The following GSTO2 variants were observed in gnomAD, a reference collection of about 807,000 sequenced individuals.
GSTO2 encodes the protein glutathione S-transferase omega 2, also known as glutathione S-transferase omega-2.
In GSTO2, 23 loss-of-function variants were observed where a neutral mutation model predicts 28.4. The ratio of observed to expected loss-of-function variants is 0.81; its 90% CI spans 0.58 to 1.15. The LOEUF is 1.15. Among genes scored for constraint, GSTO2 ranks in the 50% most tolerant of loss-of-function variants. The probability of loss-of-function intolerance (pLI) is 0.00; values close to 1 mark genes in which losing one functional copy is unlikely to be tolerated. For missense variants in GSTO2, 298 were observed against 297.8 expected (o/e 1.00, Z 0.00); for synonymous variants, 109 against 111.0 (o/e 0.98, Z 0.11).
chr10:104,299,757 A>T lies in GSTO2; in HGVS notation c.*473A>T, dbSNP rs145768674. On this transcript the variant is annotated 3_prime_UTR_variant, in exon 7 of 7. Transcript: ENST00000338595. The stretch of plus-strand genomic sequence containing the variant: ...TCTCCAAAGTGTTGAGATTACAGGC[A>T]TGAGCCACCTGGCCTGCCTAGCCTG... 5.8e-6 allele frequency: 1 copy of T among 170,964 alleles called. No individual in the cohort carries two copies. The highest frequency in any genetic ancestry group is 1.2e-5 in the Non-Finnish European group (1 of 80,740). 10.6% of individuals were successfully genotyped at this position (170,964 alleles called of 1,614,324 possible).
intron 5 of GSTO2, among the ~76,000 whole-genome samples, chr10:104,292,775 A>G (rs1019333234): frequency 6.6e-6 from 1 of 152,198 alleles, no homozygotes; most frequent in Non-Finnish European, 1.5e-5. Context: ...TATGTGATAT[A>G]TAATCAGGTG....
intron 5 of GSTO2, chr10:104,285,881 C>A: frequency 3.6e-6 from 1 of 275,902 alleles, no homozygotes; most frequent in Non-Finnish European, 7.5e-6. Context: ...TATTAATTTC[C>A]AGTGATGAAA....
intron 5 of GSTO2, among the ~76,000 whole-genome samples, chr10:104,287,097 A>G (rs1407827976): frequency 6.6e-6 from 1 of 152,228 alleles, no homozygotes; most frequent in Non-Finnish European, 1.5e-5. Context: ...TCTGTTGCCC[A>G]GGCTGGAATG....
At chr10:104,290,504 C>CAA (rs111825863) in intron 5 of GSTO2, among the ~76,000 whole-genome samples, 12 of 111,784 alleles carry the variant, frequency 1.1e-4, no homozygotes, top group African/African-American at 3.0e-4. Flanking sequence ...CACTCTGTCT[C>CAA]AAAAAAAAAA....
chr10:104,297,595 C>A lies in GSTO2; in HGVS notation c.486C>A (p.Asn162Lys), dbSNP rs148194802. 165 of 1,612,074 alleles carry A rather than the reference C, an allele frequency of 1.0e-4. No homozygotes were observed. The African/African-American group carries it at 2.1e-3, about 20-fold the overall frequency. Reference protein sequence around the residue: ...SNLEEILEYQNTTFFGGTCIS... With the variant: ...SNLEEILEYQKTTFFGGTCIS... ...ATTTTTAGATTCTTGAGTATCAGAA[C>A]ACCACCTTCTTTGGTGGAACCTGTA... is the stretch of plus-strand genomic sequence containing the variant. Residue 162 changes from asparagine (N) to lysine (K), a missense_variant, in exon 6 of 7, where the codon AAC becomes AAA. Coordinates refer to ENST00000338595, the MANE Select transcript of GSTO2 (RefSeq NM_183239.2).
chr10:104,289,555 G>T (rs1206699124), intron 5 of GSTO2, among the ~76,000 whole-genome samples: 2 of 152,174 alleles, frequency 1.3e-5, no homozygotes, highest in Admixed American at 6.5e-5. Context: ...GGCATGTTCT[G>T]CTGCAGGTCC....
At chr10:104,273,432 A>C (rs1212499137) in intron 1 of GSTO2, among the ~76,000 whole-genome samples, 1 of 152,266 alleles carries the variant, frequency 6.6e-6, no homozygotes, top group Admixed American at 6.5e-5. Flanking sequence ...ATTGAATGAC[A>C]GCAAAAAATG....
At chr10:104,275,186 GC>G in intron 2 of GSTO2, 39 bp from the exon 3 acceptor site, 4 of 1,579,016 alleles carry the variant, frequency 2.5e-6, no homozygotes, top group Middle Eastern at 1.7e-4. Context: ...GGGCTGACTA[GC>G]CTCTCCTTTC....
At chr10:104,277,604 T>C (rs2011710043) in intron 3 of GSTO2, among the ~76,000 whole-genome samples, 1 of 152,016 alleles carries the variant, frequency 6.6e-6, no homozygotes, top group African/African-American at 2.4e-5. Flanking sequence ...TACTTCTTAG[T>C]GGGTGGTATT....
chr10:104,286,474 A>G (rs944721887), intron 5 of GSTO2, among the ~76,000 whole-genome samples: 22 of 152,238 alleles, frequency 1.4e-4, no homozygotes, highest in African/African-American at 5.3e-4. Context: ...GTTTATCCAC[A>G]TCTGGGAAGG....
At chr10:104,296,818 T>G (rs1328703311) in intron 5 of GSTO2, 1 of 152,240 alleles carries the variant, frequency 6.6e-6, no homozygotes, top group Non-Finnish European at 1.5e-5. Context: ...TTGCTCTTCT[T>G]GGCCAGGCTG....
intron 5 of GSTO2, among the ~76,000 whole-genome samples, chr10:104,286,686 T>C (rs1003203472): frequency 2.0e-5 from 3 of 152,346 alleles, no homozygotes; most frequent in Middle Eastern, 3.4e-3. Flanking sequence ...GTATTAGTGC[T>C]GTTGCTAGTT....
chr10:104,280,406 C>T (rs2011965175), intron 5 of GSTO2, among the ~76,000 whole-genome samples: 1 of 152,164 alleles, frequency 6.6e-6, no homozygotes, highest in African/African-American at 2.4e-5. Context: ...GGCAAATGGT[C>T]ATACCCCTTT....
In GSTO2 at chr10:104,279,395, TG is replaced by T; in HGVS notation, c.394del (p.Val132Ter). 1 of 1,613,998 alleles carries T rather than the reference TG, an allele frequency of 6.2e-7. No individual in the cohort carries two copies. Reference sequence around the variant, plus strand: ...GTCCCACATTTGACCAAGGAGTGCCTGGTAGCGTTGAGATGTGGGAGAGAAT... The same window carrying T: ...GTCCCACATTTGACCAAGGAGTGCCTGTAGCGTTGAGATGTGGGAGAGAAT... ...CKVPHLTKEC[L>X]VALRCGRECT... is the part of the protein sequence containing the mutation. On this transcript the variant is annotated frameshift_variant, in exon 5 of 7. Coordinates refer to ENST00000338595, the MANE Select transcript of GSTO2 (RefSeq NM_183239.2). LOFTEE classifies it high-confidence loss of function.
chr10:104,272,489 A>C (rs1023610398), intron 1 of GSTO2, among the ~76,000 whole-genome samples: 3 of 147,932 alleles, frequency 2.0e-5, no homozygotes, highest in Non-Finnish European at 4.4e-5. Context: ...CAGGGTTCCT[A>C]GTCCTCCCTC....
chr10:104,281,288 C>T (rs562332721), intron 5 of GSTO2, among the ~76,000 whole-genome samples: 27 of 152,048 alleles, frequency 1.8e-4, no homozygotes, highest in South Asian at 1.3e-3. Flanking sequence ...AAAAGAAGTT[C>T]GAAAATCTTG....
chr10:104,287,887 CTTT>C (rs397760653), intron 5 of GSTO2, among the ~76,000 whole-genome samples: 1 of 116,202 alleles, frequency 8.6e-6, no homozygotes. Flanking sequence ...GAAAAAAACA[CTTT>C]TTTTTTTTTT....
intron 5 of GSTO2, 108 bp from the exon 6 acceptor site, chr10:104,297,470 G>T: frequency 1.5e-6 from 1 of 657,614 alleles, no homozygotes; most frequent in Non-Finnish European, 2.7e-6. Flanking sequence ...AAGGAGAGAG[G>T]CCTCAGTTCT....
Position 104,299,142 on chromosome 10 carries a change from C to T in GSTO2, c.590C>T (p.Thr197Met), listed in dbSNP as rs1470845372. ...VYGILDCVSH[T>M]PALRLWISAM... ...CTGTCTTGCAGCTGTGTGAGCCACA[C>T]GCCAGCCCTGCGGCTCTGGATATCA... The change falls in exon 7 of 7, where the codon ACG becomes ATG. Residue 197 changes from threonine (T) to methionine (M), a missense_variant. Thr to Met is a moderately conservative substitution (Grantham distance 81, BLOSUM62 -1). Transcript: ENST00000338595. The T allele has an allele frequency of 1.6e-5, 26 of 1,613,868 alleles. No individual in the cohort carries two copies. The highest frequency in any genetic ancestry group is 4.0e-5 in the African/African-American group (3 of 74,948).
Sources: gnomAD v4.1 joint callset for allele counts (sites outside exome capture counted in the v4.1 genomes callset) on GRCh38, gnomAD v4.1.1 for gene constraint, MANE v1.5 for transcripts, NCBI Gene and HGNC (gene_info 2026-07-23, HGNC 2026-07-21) for gene names.